CLEC16A: variants seen among roughly 807,000 people sequenced by gnomAD.
The protein encoded by CLEC16A is protein CLEC16A.
Under a neutral mutation model 109.5 loss-of-function variants are expected in CLEC16A, and 51 were observed. The observed-to-expected ratio is 0.47, with a 90% CI of 0.37 to 0.59. The LOEUF (loss-of-function observed/expected upper bound fraction) is 0.59. Among genes scored for constraint, CLEC16A ranks in the 20% least tolerant of loss-of-function variants. The probability of loss-of-function intolerance (pLI) is 0.00; values close to 1 mark genes in which losing one functional copy is unlikely to be tolerated. For synonymous variants in CLEC16A, 673 were observed against 564.2 expected (o/e 1.19, Z -2.73); for missense variants, 1,339 against 1,394.0 (o/e 0.96, Z 0.63).
chr16:11,117,405 CTGTACTAGTATTTCTT>C (rs1297099544), intron 19 of CLEC16A, among the ~76,000 whole-genome samples: 2 of 152,246 alleles, frequency 1.3e-5, no homozygotes, highest in East Asian at 3.9e-4. Context: ...CACATTTTCT[CTGTACTAGTATTTCTT>C]TGTAGGGATA....
intron 22 of CLEC16A, among the ~76,000 whole-genome samples, chr16:11,154,791 G>A (rs756402992): frequency 6.6e-5 from 10 of 152,158 alleles, no homozygotes; most frequent in Non-Finnish European, 1.3e-4. Context: ...GACAGGTGTG[G>A]TGGCAGTTGC....
intron 12 of CLEC16A, among the ~76,000 whole-genome samples, chr16:11,022,607 T>C (rs1225618807): frequency 6.6e-6 from 1 of 152,052 alleles, no homozygotes; most frequent in Non-Finnish European, 1.5e-5. Context: ...GGGTTAAATA[T>C]AGGCCTAAGA....
At chr16:11,028,595 C>G (rs867834424) in intron 13 of CLEC16A, among the ~76,000 whole-genome samples, 6 of 148,184 alleles carry the variant, frequency 4.0e-5, no homozygotes, top group Non-Finnish European at 7.5e-5. Flanking sequence ...TCGTAGGAAG[C>G]TTTGATCATT....
chr16:11,032,986 G>T (rs12923583), intron 13 of CLEC16A, among the ~76,000 whole-genome samples: 1 of 152,086 alleles, frequency 6.6e-6, no homozygotes, highest in Non-Finnish European at 1.5e-5. Context: ...GTAGATGACT[G>T]GGGGTGGGGA....
chr16:11,137,524 G>A lies in CLEC16A; in HGVS notation c.2641+11378G>A, dbSNP rs1204035279. On this transcript the variant is annotated intron_variant, in intron 22 of 23. Transcript: ENST00000409790. The stretch of plus-strand genomic sequence containing the variant: ...TAATCCCAGCACTTTGGGAGGCCGA[G>A]GCGAGTGGATCACCTGAGGTCAGGA... 2.0e-5 allele frequency among the ~76,000 whole-genome samples: 3 copies of A among 150,966 alleles called. No individual in the cohort carries two copies. In the East Asian group the frequency reaches 5.8e-4, roughly 29 times the overall value.
chr16:11,100,188 G>C (rs2050833480), intron 19 of CLEC16A, among the ~76,000 whole-genome samples: 1 of 152,198 alleles, frequency 6.6e-6, no homozygotes, highest in Non-Finnish European at 1.5e-5. Context: ...TTCAGAGCCA[G>C]TCATTCCTTA....
intron 23 of CLEC16A, among the ~76,000 whole-genome samples, chr16:11,177,913 A>G (rs1197323641): frequency 6.7e-6 from 1 of 149,956 alleles, no homozygotes; most frequent in Non-Finnish European, 1.5e-5. Context: ...TCAAATGTAT[A>G]CTCTGGAAAT....
intron 13 of CLEC16A, among the ~76,000 whole-genome samples, chr16:11,028,012 C>T (rs774196098): frequency 1.3e-5 from 2 of 152,120 alleles, no homozygotes; most frequent in Non-Finnish European, 2.9e-5. Context: ...ACCAGCCTGA[C>T]CAACATGGAG....
At chr16:11,015,902 G>A (rs775486822) in intron 11 of CLEC16A, among the ~76,000 whole-genome samples, 5 of 152,338 alleles carry the variant, frequency 3.3e-5, no homozygotes, top group South Asian at 2.1e-4. Context: ...CCTATGCCAC[G>A]TCCTCTGCCT....
chr16:10,975,915 G>A (rs1195866958), intron 7 of CLEC16A, among the ~76,000 whole-genome samples: 2 of 152,080 alleles, frequency 1.3e-5, no homozygotes, highest in Admixed American at 1.3e-4. Context: ...GCCTCCCAAA[G>A]TGCTGGGATT....
In CLEC16A at chr16:11,166,361, T is replaced by G. The variant is rs188371369; in HGVS notation, c.2642-27T>G. On this transcript the variant is annotated intron_variant, in intron 22 of 23. Transcript: ENST00000409790. The stretch of plus-strand genomic sequence containing the variant: ...CCTCAGGCCTACTCTTTGCTTCCAC[T>G]TGGTCACCTGGTACTTTGTCTTGCA... 6.9e-5 allele frequency: 108 copies of G among 1,575,974 alleles called. No homozygotes were observed. In the African/African-American group the frequency reaches 8.6e-4, roughly 13 times the overall value.
chr16:10,994,793 T>C (rs1216503352), intron 10 of CLEC16A, among the ~76,000 whole-genome samples: 1 of 152,354 alleles, frequency 6.6e-6, no homozygotes, highest in African/African-American at 2.4e-5. Flanking sequence ...AAACTGTCAC[T>C]GCATTTTTGT....
chr16:11,087,328 C>G (rs1203932890), intron 19 of CLEC16A, among the ~76,000 whole-genome samples: 4 of 152,140 alleles, frequency 2.6e-5, no homozygotes, highest in African/African-American at 9.7e-5. Context: ...AGAGCCAGGC[C>G]CACTCTCACG....
intron 19 of CLEC16A, among the ~76,000 whole-genome samples, chr16:11,075,408 GTGTC>G (rs1281770010): frequency 8.3e-4 from 109 of 131,794 alleles, no homozygotes; most frequent in African/African-American, 3.1e-3. Flanking sequence ...GTGTGTGTGT[GTGTC>G]TGTGTGTGTG....
intron 19 of CLEC16A, among the ~76,000 whole-genome samples, chr16:11,065,296 T>G (rs1209810586): frequency 6.6e-6 from 1 of 152,202 alleles, no homozygotes; most frequent in Non-Finnish European, 1.5e-5. Context: ...AAGAGACACC[T>G]GGCAACCAGG....
At chr16:11,177,070 C>G (rs1446612283) in intron 23 of CLEC16A, among the ~76,000 whole-genome samples, 3 of 152,194 alleles carry the variant, frequency 2.0e-5, no homozygotes, top group African/African-American at 4.8e-5. Context: ...TGCTGTCAGA[C>G]TCTTAGCTCG....
At chr16:11,081,003 C>G (rs1242343000) in intron 19 of CLEC16A, among the ~76,000 whole-genome samples, 1 of 152,234 alleles carries the variant, frequency 6.6e-6, no homozygotes, top group Non-Finnish European at 1.5e-5. Flanking sequence ...GATGCAGAAA[C>G]TGGCAGCAGA....
intron 22 of CLEC16A, among the ~76,000 whole-genome samples, chr16:11,136,870 C>T (rs2053591253): frequency 6.6e-6 from 1 of 152,230 alleles, no homozygotes. Context: ...TCCCCCGGAG[C>T]CTCACAACAG....
At chr16:11,073,909 C>A (rs1040782192) in intron 19 of CLEC16A, among the ~76,000 whole-genome samples, 1 of 152,228 alleles carries the variant, frequency 6.6e-6, no homozygotes, top group African/African-American at 2.4e-5. Flanking sequence ...ATTTCCAAAT[C>A]TCATCTTGAG....
Sources: gnomAD v4.1 joint callset for allele counts (sites outside exome capture counted in the v4.1 genomes callset) on GRCh38, gnomAD v4.1.1 for gene constraint, MANE v1.5 for transcripts, NCBI Gene and HGNC (gene_info 2026-07-23, HGNC 2026-07-21) for gene names.